LAMA2: variants seen among roughly 807,000 people sequenced by gnomAD.
LAMA2 encodes the protein laminin subunit alpha-2.
Under a neutral mutation model 364.8 loss-of-function variants are expected in LAMA2, and 269 were observed. That is an observed-to-expected ratio of 0.74 (90% CI 0.67 to 0.82). The LOEUF (loss-of-function observed/expected upper bound fraction) is 0.82, where lower values mean the gene tolerates loss of function less well. LAMA2 is among the 40% of genes least tolerant of loss of function. The pLI, the probability that LAMA2 is intolerant of heterozygous loss-of-function variation, is 0.00. For synonymous variants in LAMA2, 1,379 were observed against 1,370.6 expected (o/e 1.01, Z -0.14); for missense variants, 3,807 against 3,873.2 (o/e 0.98, Z 0.45).
chr6:129,305,010 C>G (rs1197596814), intron 22 of LAMA2, among the ~76,000 whole-genome samples: 1 of 152,158 alleles, frequency 6.6e-6, no homozygotes, highest in Non-Finnish European at 1.5e-5. Context: ...TACATGTTCT[C>G]TCAGTTACTG....
chr6:129,320,125 T>A lies in LAMA2; in HGVS notation c.4059-413T>A, dbSNP rs2326799. 3.0e-3 allele frequency among the ~76,000 whole-genome samples: 455 copies of A among 149,308 alleles called. 1 individual carries two copies. The highest frequency in any genetic ancestry group is 0.01 in the African/African-American group (422 of 40,894). ...TCCAGCCTGGGTGACAGAGTGAGAC[T>A]CTGTCTCAAATAAATAAATAAATAA... On this transcript the variant is annotated intron_variant, in intron 27 of 64. Transcript: ENST00000421865.
chr6:129,437,256 C>CT (rs753103110), intron 41 of LAMA2, among the ~76,000 whole-genome samples: 3 of 152,088 alleles, frequency 2.0e-5, no homozygotes, highest in Non-Finnish European at 4.4e-5. Context: ...CTCAACTTCT[C>CT]TAAGTCTCAA....
rs1229443085 is a variant in LAMA2 at position 129,200,332 on chromosome 6, A to ATGTG, written c.1782+7480_1782+7481insGTGT. ...TATATATATACGTGTACACATATAC[A>ATGTG]TATACACGTATATGTGTACACATAT... On this transcript the variant is annotated intron_variant, in intron 12 of 64. Transcript: ENST00000421865. Among the ~76,000 whole-genome samples the ATGTG allele has an allele frequency of 3.7e-3, 530 of 145,158 alleles. 32 individuals are homozygous for ATGTG. The highest frequency in any genetic ancestry group is 4.8e-3 in the Non-Finnish European group (314 of 65,142).
At chr6:129,213,157 C>T (rs1783204260) in intron 12 of LAMA2, among the ~76,000 whole-genome samples, 1 of 152,146 alleles carries the variant, frequency 6.6e-6, no homozygotes, top group South Asian at 2.1e-4. Flanking sequence ...GCTTTTTTCA[C>T]TTAGCAATAT....
At chr6:128,884,917 G>GT (rs1463789536) in intron 1 of LAMA2, among the ~76,000 whole-genome samples, 1 of 152,160 alleles carries the variant, frequency 6.6e-6, no homozygotes, top group African/African-American at 2.4e-5. Context: ...CAAGTAAATT[G>GT]TTGCTAAGAA....
At chr6:129,241,048 G>A (rs962622229) in intron 12 of LAMA2, among the ~76,000 whole-genome samples, 1 of 152,122 alleles carries the variant, frequency 6.6e-6, no homozygotes, top group Admixed American at 6.6e-5. Flanking sequence ...ATCTCCTTTA[G>A]CCTATTTTTA....
At chr6:129,082,944 T>C (rs1774154359) in intron 3 of LAMA2, among the ~76,000 whole-genome samples, 1 of 152,146 alleles carries the variant, frequency 6.6e-6, no homozygotes, top group African/African-American at 2.4e-5. Context: ...GTCTAGGTTT[T>C]ATAACAAGCA....
At chr6:129,225,892 TA>T (rs1394808991) in intron 12 of LAMA2, among the ~76,000 whole-genome samples, 4 of 152,232 alleles carry the variant, frequency 2.6e-5, no homozygotes, top group African/African-American at 9.6e-5. Context: ...ATATCCTTGT[TA>T]CCTTTCTGTC....
intron 1 of LAMA2, among the ~76,000 whole-genome samples, chr6:129,013,518 C>T (rs745775633): frequency 4.6e-5 from 7 of 151,894 alleles, no homozygotes; most frequent in Non-Finnish European, 7.4e-5. Context: ...TCAAGGAAAA[C>T]CCACTAAAAG....
intron 29 of LAMA2, among the ~76,000 whole-genome samples, chr6:129,331,607 C>T (rs1368558755): frequency 2.6e-5 from 4 of 152,032 alleles, no homozygotes; most frequent in Non-Finnish European, 5.9e-5. Flanking sequence ...CCCTCTCCCG[C>T]TTGATGACAT....
At chr6:129,509,174 T>G (rs1285390875) in intron 62 of LAMA2, among the ~76,000 whole-genome samples, 2 of 152,210 alleles carry the variant, frequency 1.3e-5, no homozygotes, top group East Asian at 3.8e-4. Flanking sequence ...TCTATCCAAA[T>G]CTTGTACCCA....
chr6:129,263,029 T>G (rs1012412194), intron 15 of LAMA2, among the ~76,000 whole-genome samples: 2 of 152,198 alleles, frequency 1.3e-5, no homozygotes, highest in African/African-American at 4.8e-5. Flanking sequence ...GCTGTCATCA[T>G]AGATTTCACT....
intron 1 of LAMA2, among the ~76,000 whole-genome samples, chr6:129,005,216 A>T (rs1035739595): frequency 2.6e-5 from 4 of 152,008 alleles, no homozygotes; most frequent in Non-Finnish European, 5.9e-5. Flanking sequence ...GGTTAGACCT[A>T]TATAAGGCAG....
intron 40 of LAMA2, among the ~76,000 whole-genome samples, chr6:129,413,191 A>G (rs1228417582): frequency 6.6e-6 from 1 of 152,152 alleles, no homozygotes; most frequent in Non-Finnish European, 1.5e-5. Flanking sequence ...TAATTTTTTT[A>G]AAAGAATTAT....
chr6:129,355,294 G>T (rs1026787146), intron 32 of LAMA2, among the ~76,000 whole-genome samples: 4 of 152,076 alleles, frequency 2.6e-5, no homozygotes, highest in Non-Finnish European at 2.9e-5. Context: ...GTTACACAGA[G>T]TATCTTTAGA....
At chr6:128,925,757 G>A (rs1052095575) in intron 1 of LAMA2, among the ~76,000 whole-genome samples, 1 of 152,030 alleles carries the variant, frequency 6.6e-6, no homozygotes, top group Non-Finnish European at 1.5e-5. Context: ...TTATTCTTTA[G>A]TTCTGCGTTT....
Position 129,454,159 on chromosome 6 carries a change from A to G in LAMA2, c.6578A>G (p.Asp2193Gly). 2 of 1,612,224 alleles carry G rather than the reference A, an allele frequency of 1.2e-6. No homozygotes were observed. The highest frequency in any genetic ancestry group is 1.7e-6 in the Non-Finnish European group (2 of 1,178,524). The change falls in exon 47 of 65, where the codon GAC becomes GGC. Residue 2193 changes from aspartate (D) to glycine (G), a missense_variant. Physicochemically the swap from Asp to Gly is moderately conservative, Grantham distance 94. This residue lies in a region of LAMA2 where 3,333 missense variants were observed against 3,345.7 expected (regional missense o/e 1.00). Coordinates refer to ENST00000421865, the MANE Select transcript of LAMA2 (RefSeq NM_000426.4). Reference protein sequence around the residue: ...LFYLGSAKFIDFLAIEMRKGK... With the variant: ...LFYLGSAKFIGFLAIEMRKGK... ...TTTTGTATTTCTCTGAACTAGATTG[A>G]CTTTCTGGCTATAGAAATGCGTAAA...
At position 129,181,367 on chromosome 6, in the gene LAMA2, A is replaced by G. The variant is rs561088995; in HGVS notation, c.1467+3501A>G. The stretch of plus-strand genomic sequence containing the variant: ...AAATTTGTATTCATAAAAATCTGTG[A>G]TCATATTCTTATCACATAAATCATA... On this transcript the variant is annotated intron_variant, in intron 10 of 64. Transcript: ENST00000421865. Among the ~76,000 whole-genome samples, 230 of 152,208 alleles carry G rather than the reference A, an allele frequency of 1.5e-3. 1 individual carries two copies. Among genetic ancestry groups the G allele is most frequent in the African/African-American group, 5.2e-3 (218 of 41,554 alleles).
intron 14 of LAMA2, among the ~76,000 whole-genome samples, chr6:129,256,575 A>T (rs563732331): frequency 6.6e-6 from 1 of 151,912 alleles, no homozygotes; most frequent in South Asian, 2.1e-4. Context: ...GTGCAGAAGA[A>T]GTGTGCGCAG....
Sources: allele counts gnomAD v4.1 joint callset (sites outside exome capture counted in the v4.1 genomes callset), GRCh38; gene constraint gnomAD v4.1.1; regional missense constraint gnomAD v4.1.1; transcripts MANE v1.5; gene names NCBI Gene and HGNC (gene_info 2026-07-23, HGNC 2026-07-21).